UBXN7: variants seen among roughly 807,000 people sequenced by gnomAD.
UBXN7 encodes UBX domain-containing protein 7.
UBXN7 carries 9 observed loss-of-function variants against 58.0 expected under a neutral mutation model. That is an observed-to-expected ratio of 0.16 (90% CI 0.09 to 0.27). The LOEUF is 0.27. Ranked by LOEUF, UBXN7 falls within the 10% of genes least tolerant of loss-of-function variation. The probability of loss-of-function intolerance (pLI) is 1.00; values close to 1 mark genes in which losing one functional copy is unlikely to be tolerated. For synonymous variants in UBXN7, 208 were observed against 205.0 expected (o/e 1.01, Z -0.12); for missense variants, 328 against 599.6 (o/e 0.55, Z 4.73).
chr3:196,415,091 T>C (rs2108620619), intron 1 of UBXN7, among the ~76,000 whole-genome samples: 1 of 152,288 alleles, frequency 6.6e-6, no homozygotes, highest in East Asian at 1.9e-4. Context: ...GAGGCTTTGT[T>C]TCAGTGTTTC....
rs1728222734 is a variant in UBXN7, at chr3:196,351,852, A to C, written c.*4833T>G. The C allele has an allele frequency of 6.6e-6, 1 of 152,176 alleles. No homozygotes were observed. 9.4% of individuals were successfully genotyped at this position (152,176 alleles called of 1,614,324 possible). A position where few individuals can be genotyped will look rare whatever the true frequency, so the allele number is the denominator to read the frequency against. ...ATCTTTCCTTCATTTTTCGGTTGCTAGTGGCTCCCTCTGGTATTTTCCCTA... is the reference window on the plus strand; with the variant it reads ...ATCTTTCCTTCATTTTTCGGTTGCTCGTGGCTCCCTCTGGTATTTTCCCTA... On this transcript the variant is annotated 3_prime_UTR_variant, in exon 11 of 11. Coordinates refer to ENST00000296328, the MANE Select transcript of UBXN7 (RefSeq NM_015562.2).
Position 196,380,568 on chromosome 3 carries a change from A to T in UBXN7, c.469-8526T>A, listed in dbSNP as rs180988430. Among the ~76,000 whole-genome samples, 139 of 152,350 alleles carry T rather than the reference A, an allele frequency of 9.1e-4. 2 individuals carry two copies. Among genetic ancestry groups the T allele is most frequent in the African/African-American group, 3.2e-3 (133 of 41,582 alleles). On this transcript the variant is annotated intron_variant, in intron 5 of 10. Coordinates refer to ENST00000296328, the MANE Select transcript of UBXN7 (RefSeq NM_015562.2). ...GCAGCTCCCAGCATGATCAATGCAGAAGACGGACGATTTCTGCATTTCCAA... is the reference window on the plus strand; with the variant it reads ...GCAGCTCCCAGCATGATCAATGCAGTAGACGGACGATTTCTGCATTTCCAA...
intron 5 of UBXN7, 88 bp downstream of exon 5, chr3:196,391,725 C>A (rs908023154): frequency 8.3e-5 from 81 of 970,334 alleles, no homozygotes; most frequent in Non-Finnish European, 1.0e-4. Flanking sequence ...CAGAGCGAGA[C>A]CTGCTCTAAA....
intron 9 of UBXN7, 25 bp downstream of exon 9, chr3:196,362,269 T>G (rs1387555364): frequency 3.9e-6 from 6 of 1,557,942 alleles, no homozygotes; most frequent in African/African-American, 1.4e-5. Context: ...AAGTTTGAAG[T>G]AAAGTATGTC....
chr3:196,426,931 T>C (rs1407130330), intron 1 of UBXN7, among the ~76,000 whole-genome samples: 2 of 152,016 alleles, frequency 1.3e-5, no homozygotes, highest in African/African-American at 2.4e-5. Context: ...TTATAATAAA[T>C]ATGCACTCAT....
At chr3:196,427,519 G>C (rs1215750987) in intron 1 of UBXN7, among the ~76,000 whole-genome samples, 3 of 152,178 alleles carry the variant, frequency 2.0e-5, no homozygotes, top group African/African-American at 7.2e-5. Context: ...GGTTTCACCA[G>C]GTTGGCCAGA....
intron 1 of UBXN7, 159 bp downstream of exon 1, chr3:196,432,168 G>A (rs1281560489): frequency 3.0e-6 from 3 of 1,002,646 alleles, no homozygotes; most frequent in African/African-American, 1.6e-5. Context: ...GCCTGAACCC[G>A]GAGACCCCGA....
chr3:196,390,779 T>G (rs748505264), intron 5 of UBXN7, among the ~76,000 whole-genome samples: 1 of 150,128 alleles, frequency 6.7e-6, no homozygotes. Context: ...TTTACATCTA[T>G]GGAAATGCTA....
intron 3 of UBXN7, among the ~76,000 whole-genome samples, chr3:196,394,464 G>A (rs1291468112): frequency 6.6e-6 from 1 of 151,636 alleles, no homozygotes; most frequent in African/African-American, 2.4e-5. Context: ...CTAGCCAGGT[G>A]TGGTGGCACG....
intron 1 of UBXN7, among the ~76,000 whole-genome samples, chr3:196,415,526 C>T (rs1206912468): frequency 6.7e-6 from 1 of 148,848 alleles, no homozygotes; most frequent in African/African-American, 2.5e-5. Context: ...CCTGTAATCC[C>T]AGCACTTTCG....
At chr3:196,394,718 A>C (rs1216490880) in intron 3 of UBXN7, among the ~76,000 whole-genome samples, 1 of 152,220 alleles carries the variant, frequency 6.6e-6, no homozygotes, top group Non-Finnish European at 1.5e-5. Context: ...CAGATATCCA[A>C]TTCAGGTTAG....
rs559395961 is a variant in UBXN7 at position 196,350,089 on chromosome 3, A to C, written c.*6596T>G. The C allele has an allele frequency of 6.6e-6, 1 of 152,374 alleles. No individual in the cohort carries two copies. The highest frequency in any genetic ancestry group is 2.1e-4 in the South Asian group (1 of 4,832). 9.4% of individuals were successfully genotyped at this position (152,374 alleles called of 1,614,324 possible). On this transcript the variant is annotated 3_prime_UTR_variant, in exon 11 of 11. Transcript: ENST00000296328. ...ATCTGTGATTGCTCTTGGGAAAAAT[A>C]CTATCATTGGTATTTGCCATCTCTA...
rs777781462 is a variant in UBXN7 at position 196,391,801 on chromosome 3, C to T, written c.468+12G>A. The T allele has an allele frequency of 1.9e-6, 3 of 1,587,632 alleles. No individual in the cohort carries two copies. In the South Asian group the frequency reaches 3.4e-5, roughly 18 times the overall value. Reference sequence around the variant, plus strand: ...GATTCATAGTTAAGGCACTGACTCTCCAACAACTTACTGTTTCAAAGCTGC... The same window carrying T: ...GATTCATAGTTAAGGCACTGACTCTTCAACAACTTACTGTTTCAAAGCTGC... On this transcript the variant is annotated intron_variant, in intron 5 of 10. Coordinates refer to ENST00000296328, the MANE Select transcript of UBXN7 (RefSeq NM_015562.2).
chr3:196,358,120 C>T (rs989707069), intron 10 of UBXN7, among the ~76,000 whole-genome samples: 1 of 152,152 alleles, frequency 6.6e-6, no homozygotes, highest in Non-Finnish European at 1.5e-5. Context: ...ATGCCCGCAG[C>T]GTCACCATGA....
intron 3 of UBXN7, among the ~76,000 whole-genome samples, chr3:196,401,665 G>A (rs1320423921): frequency 4.1e-5 from 6 of 147,980 alleles, no homozygotes; most frequent in Admixed American, 1.4e-4. Flanking sequence ...GTGGTGGCTC[G>A]CTCCCGTAAT....
intron 8 of UBXN7, among the ~76,000 whole-genome samples, chr3:196,363,240 A>G (rs1163094570): frequency 8.4e-6 from 1 of 118,876 alleles, no homozygotes; most frequent in Non-Finnish European, 1.8e-5. Flanking sequence ...ACATACATAC[A>G]TACATACATA....
chr3:196,370,470 AG>A (rs1400530733), intron 6 of UBXN7, among the ~76,000 whole-genome samples: 4 of 151,532 alleles, frequency 2.6e-5, no homozygotes, highest in African/African-American at 9.7e-5. Flanking sequence ...AAAAAAAAAA[AG>A]AAAAAAGAAA....
chr3:196,416,713 T>A (rs1401989052), intron 1 of UBXN7, among the ~76,000 whole-genome samples: 3 of 152,184 alleles, frequency 2.0e-5, no homozygotes, highest in African/African-American at 7.2e-5. Flanking sequence ...AATTCAGAGA[T>A]TAATTTGGGT....
intron 1 of UBXN7, among the ~76,000 whole-genome samples, chr3:196,411,830 A>G (rs1034853352): frequency 1.3e-4 from 20 of 152,214 alleles, no homozygotes; most frequent in African/African-American, 4.8e-4. Flanking sequence ...ACAAACTAGC[A>G]GATGACATGG....
Sources: gnomAD v4.1 joint callset for allele counts (sites outside exome capture counted in the v4.1 genomes callset) on GRCh38, gnomAD v4.1.1 for gene constraint, MANE v1.5 for transcripts, NCBI Gene and HGNC (gene_info 2026-07-23, HGNC 2026-07-21) for gene names.